RNLS: variants seen among roughly 807,000 people sequenced by gnomAD.
The protein encoded by RNLS is renalase.
In RNLS, 39 loss-of-function variants were observed where a neutral mutation model predicts 39.8. That is an observed-to-expected ratio of 0.98 (90% CI 0.76 to 1.28). The LOEUF is 1.28. Ranked by LOEUF, RNLS falls within the 50% of genes most tolerant of loss-of-function variation. The probability of loss-of-function intolerance (pLI) is 0.00; values close to 1 mark genes in which losing one functional copy is unlikely to be tolerated. For synonymous variants in RNLS, 147 were observed against 150.7 expected, an observed-to-expected ratio of 0.98 and a Z score of 0.18; for missense variants, 410 against 413.3, an observed-to-expected ratio of 0.99 and a Z score of 0.07.
the RNLS span, among the ~76,000 whole-genome samples, chr10:88,233,400 G>T: frequency 1.3e-5 from 2 of 152,230 alleles, no homozygotes; most frequent in South Asian, 4.1e-4. Flanking sequence ...CAGGGAAAAT[G>T]CAGGGCCTGA....
chr10:88,505,623 T>G (rs928201960), intron 4 of RNLS, among the ~76,000 whole-genome samples: 5 of 152,160 alleles, frequency 3.3e-5, no homozygotes, highest in African/African-American at 1.2e-4. Context: ...GGATCATCAC[T>G]GGATGTTAAA....
intron 4 of RNLS, among the ~76,000 whole-genome samples, chr10:88,380,363 C>CTTTTTTTTTT (rs10565402): frequency 2.7e-5 from 2 of 73,156 alleles, no homozygotes; most frequent in African/African-American, 5.3e-5. Flanking sequence ...GGTTTTGTAT[C>CTTTTTTTTTT]TTTTTTTTTT....
chr10:88,306,353 A>C (rs1439409092), intron 6 of RNLS, among the ~76,000 whole-genome samples: 2 of 152,166 alleles, frequency 1.3e-5, no homozygotes, highest in Non-Finnish European at 1.5e-5. Context: ...AGATTGAGAC[A>C]CAAAAAAACC....
At chr10:88,275,218 A>AT (rs1169297885) in intron 6 of RNLS, among the ~76,000 whole-genome samples, 2 of 141,682 alleles carry the variant, frequency 1.4e-5, no homozygotes, top group East Asian at 4.0e-4. Context: ...AGGACCCCCC[A>AT]TTTTACATTC....
At chr10:88,480,872 A>C (rs1230804179) in intron 4 of RNLS, among the ~76,000 whole-genome samples, 3 of 151,830 alleles carry the variant, frequency 2.0e-5, no homozygotes, top group African/African-American at 7.3e-5. Flanking sequence ...ATATTATTTT[A>C]CAAAGATATG....
the RNLS span, among the ~76,000 whole-genome samples, chr10:88,266,736 C>CACA: frequency 1.3e-3 from 186 of 145,996 alleles, 1 homozygote; most frequent in South Asian, 7.5e-3. Flanking sequence ...CACACACACA[C>CACA]CCCACACACA....
chr10:88,240,946 A>G, the RNLS span, among the ~76,000 whole-genome samples: 1 of 151,472 alleles, frequency 6.6e-6, no homozygotes, highest in Non-Finnish European at 1.5e-5. Flanking sequence ...ATTTTACTGA[A>G]TGTTTTTCAT....
rs1850554746 is a variant in RNLS, at chr10:88,581,510, G to A, written c.367+57C>T. 1.2e-5 allele frequency: 18 copies of A among 1,468,042 alleles called. No homozygotes were observed. In the South Asian group the frequency reaches 2.3e-4, roughly 19 times the overall value. 90.9% of individuals were successfully genotyped at this position (1,468,042 alleles called of 1,614,324 possible). A position where few individuals can be genotyped will look rare whatever the true frequency, so the allele number is the denominator to read the frequency against. The stretch of plus-strand genomic sequence containing the variant: ...ATAGTATTAATATGTAACTATGTGT[G>A]TAACTTGTTTTTAAATGCTAATTTT... On this transcript the variant is annotated intron_variant, in intron 3 of 6. Transcript: ENST00000331772.
At chr10:88,236,977 A>G in the RNLS span, among the ~76,000 whole-genome samples, 15 of 152,216 alleles carry the variant, frequency 9.9e-5, no homozygotes, top group African/African-American at 3.1e-4. Context: ...TGTTTTTCTT[A>G]CACTCCAGTG....
At chr10:88,422,641 T>G (rs1466907825) in intron 4 of RNLS, among the ~76,000 whole-genome samples, 1 of 152,124 alleles carries the variant, frequency 6.6e-6, no homozygotes, top group Non-Finnish European at 1.5e-5. Context: ...CCTCCTCAAG[T>G]GACAAGTTTG....
the RNLS span, among the ~76,000 whole-genome samples, chr10:88,208,273 T>C: frequency 1.9e-4 from 29 of 152,120 alleles, no homozygotes; most frequent in Non-Finnish European, 3.2e-4. Context: ...TTTTATAAGG[T>C]TGGCTACAGG....
At chr10:88,315,835 T>C (rs758334048) in intron 5 of RNLS, among the ~76,000 whole-genome samples, 3 of 151,812 alleles carry the variant, frequency 2.0e-5, no homozygotes, top group Non-Finnish European at 4.4e-5. Flanking sequence ...ATGATGTGCA[T>C]TAAATAACAT....
chr10:88,520,330 A>G (rs1846652301), intron 4 of RNLS, among the ~76,000 whole-genome samples: 2 of 152,142 alleles, frequency 1.3e-5, no homozygotes, highest in East Asian at 1.9e-4. Flanking sequence ...AGTTTTGTTA[A>G]TAGTTCAACT....
At chr10:88,385,400 T>G (rs529786193) in intron 4 of RNLS, among the ~76,000 whole-genome samples, 1 of 152,334 alleles carries the variant, frequency 6.6e-6, no homozygotes, top group East Asian at 1.9e-4. Context: ...CTTCACTGTT[T>G]ATTCAAAATT....
At chr10:88,230,425 C>T in the RNLS span, among the ~76,000 whole-genome samples, 2 of 152,138 alleles carry the variant, frequency 1.3e-5, no homozygotes, top group Non-Finnish European at 2.9e-5. Context: ...GTCGCCCCCT[C>T]TGCTTCATGC....
At chr10:88,376,384 T>C (rs766116909) in intron 4 of RNLS, among the ~76,000 whole-genome samples, 2 of 152,286 alleles carry the variant, frequency 1.3e-5, no homozygotes, top group South Asian at 2.1e-4. Flanking sequence ...TATTGGGAAA[T>C]TGAATTGAAT....
At chr10:88,473,421 G>A (rs912775579) in intron 4 of RNLS, among the ~76,000 whole-genome samples, 1 of 151,802 alleles carries the variant, frequency 6.6e-6, no homozygotes. Context: ...TTTCTGGGTA[G>A]TAAAACACAC....
At chr10:88,371,358 C>A (rs1850544746) in intron 4 of RNLS, among the ~76,000 whole-genome samples, 1 of 152,042 alleles carries the variant, frequency 6.6e-6, no homozygotes, top group Non-Finnish European at 1.5e-5. Context: ...TCCTAATAGT[C>A]AAGCATATCA....
chr10:88,304,380 T>C (rs1844764813), intron 6 of RNLS, among the ~76,000 whole-genome samples: 1 of 152,130 alleles, frequency 6.6e-6, no homozygotes, highest in African/African-American at 2.4e-5. Context: ...ATTCAGAATA[T>C]GGATAGGAAT....
Sources: gnomAD v4.1 joint callset for allele counts (sites outside exome capture counted in the v4.1 genomes callset) on GRCh38, gnomAD v4.1.1 for gene constraint, MANE v1.5 for transcripts, NCBI Gene and HGNC (gene_info 2026-07-23, HGNC 2026-07-21) for gene names.